The following RAI14 variants were observed in gnomAD, a reference collection of about 807,000 sequenced individuals.
The protein encoded by RAI14 is ankycorbin.
In RAI14, 45 loss-of-function variants were observed where a neutral mutation model predicts 115.4. The ratio of observed to expected loss-of-function variants is 0.39; its 90% CI spans 0.31 to 0.50. The LOEUF (loss-of-function observed/expected upper bound fraction) is 0.50. RAI14 is among the 20% of genes least tolerant of loss of function. The pLI, the probability that RAI14 is intolerant of heterozygous loss-of-function variation, is 0.85. For missense variants in RAI14, 939 were observed against 1,131.2 expected (o/e 0.83, Z 2.44); for synonymous variants, 371 against 415.4 (o/e 0.89, Z 1.30).
chr5:34,760,347 ATTGATGCCATG>A (rs898805003), intron 3 of RAI14, among the ~76,000 whole-genome samples: 67 of 152,148 alleles, frequency 4.4e-4, no homozygotes, highest in African/African-American at 1.5e-3. Context: ...TTTTAAAAAT[ATTGATGCCATG>A]TTGATCAGAA....
intron 1 of RAI14, among the ~76,000 whole-genome samples, chr5:34,684,233 A>G (rs1217676528): frequency 6.6e-6 from 1 of 152,192 alleles, no homozygotes; most frequent in Non-Finnish European, 1.5e-5. Context: ...TTCCGCCTAC[A>G]TCAGTTCTAG....
At position 34,824,003 on chromosome 5, in the gene RAI14, G is replaced by A. The variant is rs138385378; in HGVS notation, c.2161G>A (p.Asp721Asn). The A allele has an allele frequency of 2.5e-4, 411 of 1,613,788 alleles. 2 individuals carry two copies. Among genetic ancestry groups the A allele is most frequent in the Admixed American group, 6.5e-4 (39 of 59,996 alleles). ...GTTGACCCAGCTCAAACAACTGGTG[G>A]ATGCACAAAAAGAGAACTCTGTCTC... is the stretch of plus-strand genomic sequence containing the variant. ...NELTQLKQLV[D>N]AQKENSVSIT... The change falls in exon 15 of 18, where the codon GAT becomes AAT. Residue 721 changes from aspartate (D) to asparagine (N), a missense_variant. Coordinates refer to ENST00000265109, the MANE Select transcript of RAI14 (RefSeq NM_015577.3).
intron 12 of RAI14, among the ~76,000 whole-genome samples, chr5:34,815,112 G>A (rs1447915918): frequency 6.6e-6 from 1 of 152,128 alleles, no homozygotes; most frequent in Non-Finnish European, 1.5e-5. Flanking sequence ...GCCGGGGTTG[G>A]TGGCTCACGC....
chr5:34,669,401 T>G (rs1743465033), intron 1 of RAI14, among the ~76,000 whole-genome samples: 1 of 152,210 alleles, frequency 6.6e-6, no homozygotes, highest in African/African-American at 2.4e-5. Flanking sequence ...AACCAACCCC[T>G]GATTATTTTT....
intron 3 of RAI14, among the ~76,000 whole-genome samples, chr5:34,782,662 G>A (rs766036265): frequency 8.6e-5 from 13 of 152,044 alleles, no homozygotes; most frequent in Non-Finnish European, 1.2e-4. Context: ...CTTATGTTTA[G>A]CTCCTACAGT....
intron 2 of RAI14, among the ~76,000 whole-genome samples, chr5:34,729,859 G>C (rs62355683): frequency 5.9e-5 from 9 of 152,302 alleles, no homozygotes; most frequent in South Asian, 4.1e-4. Context: ...AAATTCATGA[G>C]ACAGTTGGGA....
At position 34,826,442 on chromosome 5, in the gene RAI14, TGCAGCAGCAAGTCAA is replaced by T; in HGVS notation, c.2763_2777del (p.Gln923_Gln927del). ...AGGCAGAGTCAGCAGCTGGAGGCGCTGCAGCAGCAAGTCAAACAGCTCCAGAACCAGCTGGCGGTG... is the reference window on the plus strand; with the variant it reads ...AGGCAGAGTCAGCAGCTGGAGGCGCTACAGCTCCAGAACCAGCTGGCGGTG... On this transcript the variant is annotated inframe_deletion, in exon 16 of 18. Transcript: ENST00000265109. 6.2e-7 allele frequency: 1 copy of T among 1,614,022 alleles called. No individual in the cohort carries two copies. The highest frequency in any genetic ancestry group is 8.5e-7 in the Non-Finnish European group (1 of 1,179,934).
At chr5:34,811,678 T>C (rs1561069122) in intron 8 of RAI14, 89 bp from the exon 9 acceptor site, 3 of 1,224,458 alleles carry the variant, frequency 2.5e-6, no homozygotes, top group Non-Finnish European at 3.4e-6. Context: ...CACTTAATCT[T>C]CTTTTCTCTT....
chr5:34,722,778 G>C (rs1194170115), intron 2 of RAI14, among the ~76,000 whole-genome samples: 1 of 149,792 alleles, frequency 6.7e-6, no homozygotes, highest in South Asian at 2.1e-4. Context: ...CCAGGGAGGT[G>C]GAGGTTGCAG....
Position 34,829,883 on chromosome 5 carries a change from G to A in RAI14, c.2865+86G>A, listed in dbSNP as rs984240221. The A allele has an allele frequency of 2.8e-5, 30 of 1,084,480 alleles. No individual in the cohort carries two copies. In the South Asian group the frequency reaches 4.4e-4, roughly 16 times the overall value. 67.2% of individuals were successfully genotyped at this position (1,084,480 alleles called of 1,614,324 possible). On this transcript the variant is annotated intron_variant, in intron 17 of 17. Coordinates refer to ENST00000265109, the MANE Select transcript of RAI14 (RefSeq NM_015577.3). ...CAGAACTCCCATCATTTAACTAGGA[G>A]AATGAACAAGAATTAGAGGAGAATC... is the stretch of plus-strand genomic sequence containing the variant.
intron 3 of RAI14, among the ~76,000 whole-genome samples, chr5:34,787,725 T>G (rs2150181613): frequency 6.6e-6 from 1 of 152,154 alleles, no homozygotes; most frequent in East Asian, 1.9e-4. Flanking sequence ...TGTGCATTTT[T>G]AAAATGGTGA....
chr5:34,742,221 TC>T (rs1304277917), intron 2 of RAI14, among the ~76,000 whole-genome samples: 1 of 152,124 alleles, frequency 6.6e-6, no homozygotes, highest in Non-Finnish European at 1.5e-5. Flanking sequence ...CTGGTTCAGG[TC>T]CTTTTCTCTC....
chr5:34,777,975 G>A (rs962054573), intron 3 of RAI14, among the ~76,000 whole-genome samples: 4 of 152,166 alleles, frequency 2.6e-5, no homozygotes, highest in Non-Finnish European at 4.4e-5. Context: ...ACAATGTCTT[G>A]TCTATTGTAA....
At chr5:34,810,900 C>T in intron 7 of RAI14, 112 bp from the exon 8 acceptor site, 1 of 1,505,938 alleles carries the variant, frequency 6.6e-7, no homozygotes. Context: ...GATACTAGAT[C>T]AGCAGTCAGC....
At chr5:34,821,618 T>G in intron 13 of RAI14, 114 bp from the exon 14 acceptor site, 1 of 665,814 alleles carries the variant, frequency 1.5e-6, no homozygotes, top group Non-Finnish European at 2.6e-6. Flanking sequence ...CTAGGGCGTT[T>G]TATAATTAGG....
At chr5:34,771,183 T>C (rs1216178234) in intron 3 of RAI14, among the ~76,000 whole-genome samples, 1 of 152,210 alleles carries the variant, frequency 6.6e-6, no homozygotes, top group Admixed American at 6.5e-5. Context: ...AGTGCTTCCA[T>C]CTGTGAAATG....
At chr5:34,762,941 G>A (rs1009615125) in intron 3 of RAI14, among the ~76,000 whole-genome samples, 1 of 113,588 alleles carries the variant, frequency 8.8e-6, no homozygotes, top group Admixed American at 8.4e-5. Flanking sequence ...GTGTGTGTGT[G>A]TGTGTGTGTG....
intron 2 of RAI14, among the ~76,000 whole-genome samples, chr5:34,735,851 A>G (rs1211625636): frequency 6.6e-6 from 1 of 152,210 alleles, no homozygotes. Flanking sequence ...GTACAATTCC[A>G]GTATCAGCCT....
At chr5:34,672,783 C>T (rs1743707558) in intron 1 of RAI14, among the ~76,000 whole-genome samples, 1 of 152,142 alleles carries the variant, frequency 6.6e-6, no homozygotes, top group African/African-American at 2.4e-5. Context: ...AACTGCTATT[C>T]ATCATTAGGC....
Sources: gnomAD v4.1 joint callset for allele counts (sites outside exome capture counted in the v4.1 genomes callset) on GRCh38, gnomAD v4.1.1 for gene constraint, MANE v1.5 for transcripts, NCBI Gene and HGNC (gene_info 2026-07-23, HGNC 2026-07-21) for gene names.